LRGUK: variants seen among roughly 807,000 people sequenced by gnomAD.
The protein encoded by LRGUK is leucine rich repeats and guanylate kinase domain containing.
In LRGUK, 65 loss-of-function variants were observed where a neutral mutation model predicts 76.0. The observed-to-expected ratio is 0.85, with a 90% confidence interval of 0.70 to 1.05. LRGUK has a LOEUF of 1.05. Among genes scored for constraint, LRGUK ranks in the 50% least tolerant of loss-of-function variants. The pLI is 0.00. For synonymous variants in LRGUK, 268 were observed against 265.6 expected, an observed-to-expected ratio of 1.01 and a Z score of -0.09; for missense variants, 758 against 732.8, an observed-to-expected ratio of 1.03 and a Z score of -0.40.
intron 16 of LRGUK, among the ~76,000 whole-genome samples, chr7:134,223,805 A>G (rs991010522): frequency 2.0e-5 from 3 of 152,040 alleles, no homozygotes; most frequent in African/African-American, 7.3e-5. Context: ...TTTCTTTTGT[A>G]GAGACAGGGT....
chr7:134,195,628 A>G (rs1161648827), intron 12 of LRGUK, among the ~76,000 whole-genome samples: 2 of 152,072 alleles, frequency 1.3e-5, no homozygotes, highest in Non-Finnish European at 2.9e-5. Flanking sequence ...CACCAGTTTA[A>G]ATGTTCATCT....
chr7:134,254,796 A>G (rs1449304161), intron 18 of LRGUK, among the ~76,000 whole-genome samples: 1 of 152,220 alleles, frequency 6.6e-6, no homozygotes, highest in Non-Finnish European at 1.5e-5. Context: ...TCAAAAAATA[A>G]CAGAATGGTC....
At chr7:134,212,521 A>T (rs1801312538), downstream of LRGUK, among the ~76,000 whole-genome samples, 1 of 152,240 alleles carries the variant, frequency 6.6e-6, no homozygotes, top group Non-Finnish European at 1.5e-5. Context: ...GGAAACTGAT[A>T]TTTTAGAAAT....
downstream of LRGUK, among the ~76,000 whole-genome samples, chr7:134,267,117 T>G (rs1231364279): frequency 2.0e-5 from 3 of 151,796 alleles, no homozygotes; most frequent in African/African-American, 7.3e-5. Context: ...AAACCTATCC[T>G]AAAAGAAGAG....
chr7:134,149,546 T>C (rs1798117233), intron 5 of LRGUK, among the ~76,000 whole-genome samples: 1 of 152,200 alleles, frequency 6.6e-6, no homozygotes, highest in Admixed American at 6.5e-5. Flanking sequence ...GCTTGGAACA[T>C]AGCACCACTC....
intron 16 of LRGUK, among the ~76,000 whole-genome samples, chr7:134,244,947 C>T (rs1011513890): frequency 1.4e-5 from 2 of 143,032 alleles, no homozygotes; most frequent in African/African-American, 2.6e-5. Flanking sequence ...CAAACTATCG[C>T]AAGGACAGGA....
intron 18 of LRGUK, among the ~76,000 whole-genome samples, chr7:134,255,222 AACACAC>A (rs66632170): frequency 0.023 from 3,238 of 143,088 alleles, 78 homozygotes; most frequent in East Asian, 0.059. Flanking sequence ...ATGTTATCTC[AACACAC>A]ACACACACAC....
At chr7:134,259,175 C>G (rs1206444884) in intron 19 of LRGUK, among the ~76,000 whole-genome samples, 2 of 152,156 alleles carry the variant, frequency 1.3e-5, no homozygotes, top group African/African-American at 4.8e-5. Context: ...CCCCTAGATC[C>G]CAAACACACA....
intron 3 of LRGUK, 86 bp downstream of exon 3, chr7:134,139,603 C>A: frequency 1.3e-6 from 1 of 775,060 alleles, no homozygotes; most frequent in Non-Finnish European, 2.1e-6. Context: ...TAATGCCAGA[C>A]TTGATATCAC....
chr7:134,189,855 T>C (rs1269426747), intron 11 of LRGUK, among the ~76,000 whole-genome samples: 1 of 152,212 alleles, frequency 6.6e-6, no homozygotes, highest in Non-Finnish European at 1.5e-5. Flanking sequence ...CTCTCTTTCC[T>C]GAGTATATAA....
rs1343779800 is a variant in LRGUK at position 134,249,081 on chromosome 7, G to A, written c.2198+5G>A. 11 of 1,564,298 alleles carry A rather than the reference G, an allele frequency of 7.0e-6. No homozygotes were observed. Among genetic ancestry groups the A allele is most frequent in the Non-Finnish European group, 9.5e-6 (11 of 1,154,934 alleles). ...TGGACCATATCCTGAAAAGAGGTGA[G>A]TTGAGGTGTTTTGTTGGATGGAATT... On this transcript the variant is annotated splice_donor_5th_base_variant and intron_variant, in intron 18 of 19. Coordinates refer to the LRGUK transcript ENST00000285928.
chr7:134,148,340 G>C, intron 5 of LRGUK, 21 bp downstream of exon 5: 1 of 1,397,678 alleles, frequency 7.2e-7, no homozygotes, highest in Non-Finnish European at 1.0e-6. Context: ...AATAAGTAAA[G>C]GGGAAAATTT....
intron 16 of LRGUK, 44 bp downstream of exon 16, chr7:134,221,962 A>G: frequency 6.9e-7 from 1 of 1,444,602 alleles, no homozygotes; most frequent in Non-Finnish European, 9.1e-7. Flanking sequence ...TGAGCTCTAT[A>G]CAATGTCAGA....
chr7:134,225,315 G>A (rs1222697977), intron 16 of LRGUK, among the ~76,000 whole-genome samples: 1 of 152,064 alleles, frequency 6.6e-6, no homozygotes, highest in African/African-American at 2.4e-5. Flanking sequence ...CAGGCCACCT[G>A]TTACTGGAAA....
intron 15 of LRGUK, among the ~76,000 whole-genome samples, chr7:134,204,599 A>G (rs1375664118): frequency 6.6e-6 from 1 of 152,206 alleles, no homozygotes; most frequent in African/African-American, 2.4e-5. Context: ...CAACCACTTT[A>G]TCTTATCTAG....
the LRGUK span, among the ~76,000 whole-genome samples, chr7:134,269,756 C>T: frequency 0.098 from 14,878 of 152,010 alleles, 1,883 homozygotes; most frequent in African/African-American, 0.29. Context: ...AAGATGTGTG[C>T]GCTGTGACCA....
the LRGUK span, among the ~76,000 whole-genome samples, chr7:134,271,611 C>T: frequency 1.3e-5 from 2 of 151,928 alleles, no homozygotes; most frequent in African/African-American, 4.8e-5. Flanking sequence ...ACAAATGCCT[C>T]ACTTGGAGTT....
Position 134,249,077 on chromosome 7 carries a change from G to A in LRGUK, c.2198+1G>A, listed in dbSNP as rs1279428387. ...CATTTGGACCATATCCTGAAAAGAGGTGAGTTGAGGTGTTTTGTTGGATGG... is the reference window on the plus strand; with the variant it reads ...CATTTGGACCATATCCTGAAAAGAGATGAGTTGAGGTGTTTTGTTGGATGG... On this transcript the variant is annotated splice_donor_variant, in intron 18 of 19. Coordinates refer to the LRGUK transcript ENST00000285928. LOFTEE classifies it high-confidence loss of function. 6.4e-7 allele frequency: 1 copy of A among 1,561,720 alleles called. No homozygotes were observed. Among genetic ancestry groups the A allele is most frequent in the African/African-American group, 1.4e-5 (1 of 72,752 alleles).
intron 16 of LRGUK, among the ~76,000 whole-genome samples, chr7:134,222,348 A>T (rs1416497814): frequency 6.6e-6 from 1 of 152,238 alleles, no homozygotes; most frequent in African/African-American, 2.4e-5. Context: ...AACCAGTCGC[A>T]TCACTTAGTC....
Sources: gnomAD v4.1 joint callset for allele counts (sites outside exome capture counted in the v4.1 genomes callset) on GRCh38, gnomAD v4.1.1 for gene constraint, MANE v1.5 for transcripts, NCBI Gene and HGNC (gene_info 2026-07-23, HGNC 2026-07-21) for gene names.